The following UNC5D variants were observed in gnomAD, a reference collection of about 807,000 sequenced individuals.
UNC5D encodes the protein unc-5 netrin receptor D.
Under a neutral mutation model 105.4 loss-of-function variants are expected in UNC5D, and 39 were observed. That is an observed-to-expected ratio of 0.37 (90% CI 0.29 to 0.48). The LOEUF is 0.48. Ranked by LOEUF, UNC5D falls within the 20% of genes least tolerant of loss-of-function variation. UNC5D has a pLI of 0.98. For synonymous variants in UNC5D, 452 were observed against 450.4 expected, an observed-to-expected ratio of 1.00 and a Z score of -0.04; for missense variants, 991 against 1,202.4, an observed-to-expected ratio of 0.82 and a Z score of 2.60.
At chr8:35,602,785 A>G (rs557891386) in intron 4 of UNC5D, among the ~76,000 whole-genome samples, 19 of 152,136 alleles carry the variant, frequency 1.2e-4, no homozygotes, top group Admixed American at 5.9e-4. Context: ...GGTTAGTTAC[A>G]TATGTATACA....
intron 1 of UNC5D, chr8:35,544,620 TGAGACAGAGTCTCAG>T: frequency 8.1e-7 from 1 of 1,227,162 alleles, no homozygotes; most frequent in East Asian, 2.8e-5. Flanking sequence ...TTTTTTTTTT[TGAGACAGAGTCTCAG>T]TCTTTCACTC....
At chr8:35,707,502 G>A (rs1250640733) in intron 8 of UNC5D, among the ~76,000 whole-genome samples, 1 of 152,066 alleles carries the variant, frequency 6.6e-6, no homozygotes, top group Non-Finnish European at 1.5e-5. Context: ...GAGGGAGAGA[G>A]AAATAAACAG....
intron 7 of UNC5D, among the ~76,000 whole-genome samples, chr8:35,693,182 T>C (rs1450209374): frequency 6.6e-6 from 1 of 152,174 alleles, no homozygotes; most frequent in Non-Finnish European, 1.5e-5. Context: ...CGTGTCTTCG[T>C]GAAGGCTTTA....
intron 4 of UNC5D, among the ~76,000 whole-genome samples, chr8:35,647,688 A>G (rs1280109065): frequency 6.6e-6 from 1 of 152,158 alleles, no homozygotes; most frequent in African/African-American, 2.4e-5. Flanking sequence ...CTTATCTACA[A>G]TGGTCCTTTG....
intron 1 of UNC5D, among the ~76,000 whole-genome samples, chr8:35,386,989 G>C (rs1803442258): frequency 6.7e-6 from 1 of 148,480 alleles, no homozygotes; most frequent in Non-Finnish European, 1.5e-5. Context: ...TTTGCAGTTT[G>C]CAAATGATGG....
chr8:35,330,500 T>C (rs527506277), intron 1 of UNC5D, among the ~76,000 whole-genome samples: 2 of 152,348 alleles, frequency 1.3e-5, no homozygotes, highest in South Asian at 4.1e-4. Context: ...GCTGATGCGC[T>C]ACAGTTATGG....
intron 2 of UNC5D, 72 bp downstream of exon 2, chr8:35,549,582 A>T: frequency 7.0e-7 from 1 of 1,436,852 alleles, no homozygotes; most frequent in East Asian, 2.4e-5. Context: ...TCTCTGGGAA[A>T]GACTGGAAAT....
intron 1 of UNC5D, among the ~76,000 whole-genome samples, chr8:35,439,592 C>T (rs559058967): frequency 6.6e-6 from 1 of 152,040 alleles, no homozygotes; most frequent in East Asian, 1.9e-4. Context: ...AAAGCAACAC[C>T]CTAATTCTTC....
chr8:35,267,995 A>G (rs895976318), intron 1 of UNC5D, among the ~76,000 whole-genome samples: 5 of 152,168 alleles, frequency 3.3e-5, no homozygotes, highest in East Asian at 1.9e-4. Flanking sequence ...AAATGATTCT[A>G]AAAAATAAAC....
intron 1 of UNC5D, among the ~76,000 whole-genome samples, chr8:35,509,847 G>T (rs1313262822): frequency 1.3e-5 from 2 of 152,010 alleles, no homozygotes; most frequent in African/African-American, 2.4e-5. Flanking sequence ...ATATCCTGGG[G>T]TTCTCACAAC....
chr8:35,468,165 T>A (rs941688303), intron 1 of UNC5D, among the ~76,000 whole-genome samples: 4 of 152,164 alleles, frequency 2.6e-5, no homozygotes, highest in African/African-American at 9.7e-5. Flanking sequence ...CCCGGTAATG[T>A]GTTGGTCGTT....
At chr8:35,348,404 G>A (rs896132398) in intron 1 of UNC5D, among the ~76,000 whole-genome samples, 5 of 151,708 alleles carry the variant, frequency 3.3e-5, no homozygotes, top group African/African-American at 1.2e-4. Flanking sequence ...AAGTCTGTTG[G>A]GGAGTACAGG....
At chr8:35,537,512 T>C (rs994776195) in intron 1 of UNC5D, among the ~76,000 whole-genome samples, 1 of 151,956 alleles carries the variant, frequency 6.6e-6, no homozygotes, top group Admixed American at 6.6e-5. Context: ...AAAACATGTC[T>C]CCATAAAAAG....
chr8:35,748,202 G>T (rs1830097129), intron 11 of UNC5D, among the ~76,000 whole-genome samples: 1 of 152,182 alleles, frequency 6.6e-6, no homozygotes, highest in South Asian at 2.1e-4. Flanking sequence ...GCATCAACAA[G>T]AATAAGGATT....
At chr8:35,271,704 CAT>C (rs1435835312) in intron 1 of UNC5D, among the ~76,000 whole-genome samples, 4 of 38,764 alleles carry the variant, frequency 1.0e-4, no homozygotes, top group Non-Finnish European at 1.1e-4. Flanking sequence ...TACATGTATA[CAT>C]ATATATTTAT....
chr8:35,643,317 G>A (rs753707266), intron 4 of UNC5D, among the ~76,000 whole-genome samples: 23 of 152,172 alleles, frequency 1.5e-4, no homozygotes, highest in Non-Finnish European at 2.8e-4. Flanking sequence ...TCCTCATCTC[G>A]CCTCTCCTCC....
At chr8:35,321,744 G>T (rs1809762024) in intron 1 of UNC5D, among the ~76,000 whole-genome samples, 1 of 152,176 alleles carries the variant, frequency 6.6e-6, no homozygotes, top group African/African-American at 2.4e-5. Flanking sequence ...CAGATTAGGG[G>T]TCAGTCTTCC....
chr8:35,769,186 A>G (rs544789607), intron 15 of UNC5D, among the ~76,000 whole-genome samples: 15 of 152,284 alleles, frequency 9.9e-5, no homozygotes, highest in Non-Finnish European at 1.8e-4. Flanking sequence ...TACATGCTAT[A>G]AAAGTCTCAA....
intron 1 of UNC5D, among the ~76,000 whole-genome samples, chr8:35,320,631 G>C (rs1809670409): frequency 6.6e-6 from 1 of 152,110 alleles, no homozygotes; most frequent in Non-Finnish European, 1.5e-5. Flanking sequence ...CTAGTGTCAG[G>C]CTGGAATTTG....
Sources: gnomAD v4.1 joint callset for allele counts (sites outside exome capture counted in the v4.1 genomes callset) on GRCh38, gnomAD v4.1.1 for gene constraint, MANE v1.5 for transcripts, NCBI Gene and HGNC (gene_info 2026-07-23, HGNC 2026-07-21) for gene names.